The following GAL3ST3 variants were observed in gnomAD, a reference collection of about 807,000 sequenced individuals.
GAL3ST3 encodes the protein beta-galactose-3-O-sulfotransferase 3.
In GAL3ST3, 21 loss-of-function variants were observed where a neutral mutation model predicts 20.8. The ratio of observed to expected loss-of-function variants is 1.01; its 90% CI spans 0.72 to 1.45. The LOEUF is 1.45. GAL3ST3 is among the 40% of genes most tolerant of loss of function. GAL3ST3 has a pLI of 0.00. For synonymous variants in GAL3ST3, 355 were observed against 307.2 expected (o/e 1.16, Z -1.63); for missense variants, 739 against 662.7 (o/e 1.12, Z -1.26).
At chr11:66,047,973 C>G (rs957770329) in intron 1 of GAL3ST3, among the ~76,000 whole-genome samples, 7 of 152,150 alleles carry the variant, frequency 4.6e-5, no homozygotes, top group African/African-American at 1.7e-4. Flanking sequence ...CAATTTGACT[C>G]CAAGATGCCT....
chr11:66,048,347 G>C (rs557220004), intron 1 of GAL3ST3, among the ~76,000 whole-genome samples: 2 of 152,112 alleles, frequency 1.3e-5, no homozygotes, highest in African/African-American at 4.8e-5. Flanking sequence ...AAAATGGGCC[G>C]GGGTGCCCAC....
rs1197537879 is a variant in GAL3ST3, at chr11:66,041,860, C to T, written c.*647G>A. 1 of 152,260 alleles carries T rather than the reference C, an allele frequency of 6.6e-6. No individual in the cohort carries two copies. The highest frequency in any genetic ancestry group is 1.5e-5 in the Non-Finnish European group (1 of 68,080). 9.4% of individuals were successfully genotyped at this position (152,260 alleles called of 1,614,324 possible). Reference sequence around the variant, plus strand: ...GGCGGGGGACCTTGAGTCCAGGCCCCCATCCTCATGGGTCCAGCCACAGCT... The same window carrying T: ...GGCGGGGGACCTTGAGTCCAGGCCCTCATCCTCATGGGTCCAGCCACAGCT... On this transcript the variant is annotated 3_prime_UTR_variant, in exon 3 of 3. Transcript: ENST00000312006.
At chr11:66,048,019 GAGGGGGC>G (rs1280851455) in intron 1 of GAL3ST3, among the ~76,000 whole-genome samples, 1 of 152,208 alleles carries the variant, frequency 6.6e-6, no homozygotes, top group African/African-American at 2.4e-5. Context: ...GCCTCTCAGG[GAGGGGGC>G]CACTGGGCTG....
rs1856723704 is a variant in GAL3ST3, at chr11:66,042,800, A to G, written c.1003T>C (p.Cys335Arg). Residue 335 changes from cysteine (C) to arginine (R), a missense_variant, in exon 3 of 3, where the codon TGC becomes CGC. Coordinates refer to ENST00000312006, the MANE Select transcript of GAL3ST3 (RefSeq NM_033036.3). ...REARQRLLRR[C>R]FGDEPLLRPA... ...CGCAGCAGTGGCTCGTCCCCGAAGC[A>G]GCGCCGCAGTAGGCGCTGGCGGGCC... is the stretch of plus-strand genomic sequence containing the variant. The G allele has an allele frequency of 6.9e-7, 1 of 1,456,578 alleles. No homozygotes were observed. The highest frequency in any genetic ancestry group is 1.4e-5 in the South Asian group (1 of 72,880). 90.2% of individuals were successfully genotyped at this position (1,456,578 alleles called of 1,614,324 possible).
intron 2 of GAL3ST3, 131 bp from the exon 3 acceptor site, chr11:66,043,808 G>A (rs1856751786): frequency 1.3e-6 from 1 of 760,992 alleles, no homozygotes; most frequent in East Asian, 2.7e-5. Context: ...AAAGGTCGAG[G>A]GCGGTGCTTG....
rs942038835 is a variant in GAL3ST3, at chr11:66,041,382, C to T, written c.*1125G>A. ...TCTCTGCTAGTCTTAAGGGAGATTT[C>T]ACCTGGAAGTGCTGGCTATCTTGCT... is the stretch of plus-strand genomic sequence containing the variant. On this transcript the variant is annotated 3_prime_UTR_variant, in exon 3 of 3. Coordinates refer to ENST00000312006, the MANE Select transcript of GAL3ST3 (RefSeq NM_033036.3). 3.3e-5 allele frequency among the ~76,000 whole-genome samples: 5 copies of T among 152,190 alleles called. No homozygotes were observed. The highest frequency in any genetic ancestry group is 1.2e-4 in the African/African-American group (5 of 41,452).
chr11:66,043,408 A>C lies in GAL3ST3; in HGVS notation c.395T>G (p.Phe132Cys). ...PPHVLASHLR[F>C]DRAELERLMP... is the part of the protein sequence containing the mutation. Reference sequence around the variant, plus strand: ...GAGGCGCTCCAGCTCCGCACGGTCGAAGCGCAGGTGGCTGGCCAGCACGTG... The same window carrying C: ...GAGGCGCTCCAGCTCCGCACGGTCGCAGCGCAGGTGGCTGGCCAGCACGTG... The change falls in exon 3 of 3, where the codon TTC becomes TGC. Residue 132 changes from phenylalanine to cysteine, a missense_variant. By Grantham distance (205) the Phe-to-Cys change is radical. Coordinates refer to ENST00000312006, the MANE Select transcript of GAL3ST3 (RefSeq NM_033036.3). 3.7e-6 allele frequency: 6 copies of C among 1,610,208 alleles called. No individual in the cohort carries two copies. Among genetic ancestry groups the C allele is most frequent in the Non-Finnish European group, 5.1e-6 (6 of 1,178,602 alleles).
In GAL3ST3 at chr11:66,042,968, T is replaced by C. The variant is rs764714049; in HGVS notation, c.835A>G (p.Ile279Val). ...ARAASSRLAA[I>V]PAALARAART... ...GCCGCCCGCGCCAGCGCCGCGGGGA[T>C]GGCGGCCAGGCGCGAGCTGGCGGCG... The change falls in exon 3 of 3, where the codon ATC (isoleucine) becomes GTC (valine). Residue 279 changes from isoleucine to valine, a missense_variant. Coordinates refer to ENST00000312006, the MANE Select transcript of GAL3ST3 (RefSeq NM_033036.3). 3.9e-5 allele frequency: 59 copies of C among 1,513,932 alleles called. No homozygotes were observed. In the Middle Eastern group the frequency reaches 1.2e-3, roughly 32 times the overall value. The allele number at this position is 1,513,932 out of a possible 1,614,324, so 93.8% of individuals were successfully genotyped here.
At chr11:66,048,375 TTC>T (rs1454814855) in intron 1 of GAL3ST3, among the ~76,000 whole-genome samples, 2 of 152,028 alleles carry the variant, frequency 1.3e-5, no homozygotes, top group African/African-American at 2.4e-5. Flanking sequence ...AAGGAGCCCT[TTC>T]TCCTCTGTCT....
In GAL3ST3 at chr11:66,046,562, A is replaced by C. The variant is rs559296372; in HGVS notation, c.-112-1035T>G. 3.2e-4 allele frequency among the ~76,000 whole-genome samples: 48 copies of C among 152,202 alleles called. 1 individual carries two copies. The highest frequency in any genetic ancestry group is 1.1e-3 in the African/African-American group (46 of 41,522). On this transcript the variant is annotated intron_variant, in intron 1 of 2. Coordinates refer to ENST00000312006, the MANE Select transcript of GAL3ST3 (RefSeq NM_033036.3). ...TTGCCCTACGGAGGATCTCCAGGAG[A>C]AGGTGAGCTTCCATCCCAGGTAAGC...
rs769400106 is a variant in GAL3ST3, at chr11:66,043,664, A to G, written c.139T>C (p.Phe47Leu). Reference protein sequence around the residue: ...GAQLSWYPKLFPLSCPPLRNS... With the variant: ...GAQLSWYPKLLPLSCPPLRNS... Reference sequence around the variant, plus strand: ...CGCAGAGGAGGGCAGCTCAAGGGGAACAGCTTGGGGTACCTGCCAGGCCCA... The same window carrying G: ...CGCAGAGGAGGGCAGCTCAAGGGGAGCAGCTTGGGGTACCTGCCAGGCCCA... The change falls in exon 3 of 3, where the codon TTC becomes CTC. Residue 47 changes from phenylalanine (F) to leucine (L), a missense_variant. Coordinates refer to ENST00000312006, the MANE Select transcript of GAL3ST3 (RefSeq NM_033036.3). 71 of 1,604,636 alleles carry G rather than the reference A, an allele frequency of 4.4e-5. 1 individual carries two copies. Among genetic ancestry groups the G allele is most frequent in the Middle Eastern group, 3.3e-4 (2 of 6,058 alleles).
intron 1 of GAL3ST3, among the ~76,000 whole-genome samples, chr11:66,046,686 C>T (rs531698140): frequency 5.9e-5 from 9 of 152,172 alleles, no homozygotes; most frequent in East Asian, 1.9e-4. Context: ...GGGCAGCTCC[C>T]GTGGAAAGTC....
rs1856695439 is a variant in GAL3ST3 at position 66,040,904 on chromosome 11, C to A, written c.*1603G>T. Reference sequence around the variant, plus strand: ...CAGTCCCTTTTCAAGCCCAGCGTGTCATGCATCCTGCCAATCAATCACTGT... The same window carrying A: ...CAGTCCCTTTTCAAGCCCAGCGTGTAATGCATCCTGCCAATCAATCACTGT... On this transcript the variant is annotated 3_prime_UTR_variant, in exon 3 of 3. Transcript: ENST00000312006. 6.6e-6 allele frequency among the ~76,000 whole-genome samples: 1 copy of A among 152,218 alleles called. No homozygotes were observed. Among genetic ancestry groups the A allele is most frequent in the Non-Finnish European group, 1.5e-5 (1 of 68,040 alleles).
chr11:66,045,149 G>T, intron 2 of GAL3ST3, 142 bp downstream of exon 2: 1 of 629,926 alleles, frequency 1.6e-6, no homozygotes, highest in Non-Finnish European at 2.5e-6. Flanking sequence ...TTGAAGAGCA[G>T]TCCCTGTCCA....
chr11:66,047,023 C>T (rs528259330), intron 1 of GAL3ST3, among the ~76,000 whole-genome samples: 8 of 152,280 alleles, frequency 5.3e-5, no homozygotes, highest in African/African-American at 1.7e-4. Flanking sequence ...TAGGCCTTAT[C>T]GCTGCTTCCC....
In GAL3ST3 at chr11:66,045,465, C is replaced by T. The variant is rs374244902; in HGVS notation, c.-50G>A. ...GCCAGGGCCTCACTATCCAGGACTC[C>T]CTTCACAGGCACTCATGGGGGATCC... On this transcript the variant is annotated 5_prime_UTR_variant, in exon 2 of 3. Transcript: ENST00000312006. 1 of 1,502,460 alleles carries T rather than the reference C, an allele frequency of 6.7e-7. No homozygotes were observed. The highest frequency in any genetic ancestry group is 8.9e-7 in the Non-Finnish European group (1 of 1,122,520). 93.1% of individuals were successfully genotyped at this position (1,502,460 alleles called of 1,614,324 possible). A position where few individuals can be genotyped will look rare whatever the true frequency, so the allele number is the denominator to read the frequency against.
chr11:66,042,860 C>A lies in GAL3ST3; in HGVS notation c.943G>T (p.Ala315Ser). ...TCGCGCGCCTCGCGCTCCACGCACG[C>A]GCGGCCCGCGCGCGCCACGTGGCGC... ...FWRHVARAGR[A>S]CVEREARELR... Residue 315 changes from alanine (A) to serine (S), a missense_variant, in exon 3 of 3, where the codon GCG becomes TCG. By Grantham distance (99) the Ala-to-Ser change is moderately conservative. Coordinates refer to ENST00000312006, the MANE Select transcript of GAL3ST3 (RefSeq NM_033036.3). 1 of 1,165,388 alleles carries A rather than the reference C, an allele frequency of 8.6e-7. No individual in the cohort carries two copies. The highest frequency in any genetic ancestry group is 1.1e-6 in the Non-Finnish European group (1 of 940,650). The allele number at this position is 1,165,388 out of a possible 1,614,324, so 72.2% of individuals were successfully genotyped here. A position where few individuals can be genotyped will look rare whatever the true frequency, so the allele number is the denominator to read the frequency against.
Position 66,042,656 on chromosome 11 carries a change from T to G in GAL3ST3, c.1147A>C (p.Lys383Gln). The G allele has an allele frequency of 6.5e-7, 1 of 1,534,636 alleles. No homozygotes were observed. ...GAGPATEACL[K>Q]LAMPEVQYSN... is the part of the protein sequence containing the mutation. ...TACTGGACCTCGGGCATGGCCAGCT[T>G]GAGGCAGGCCTCGGTGGCCGGGCCG... The change falls in exon 3 of 3, where the codon AAG becomes CAG. Residue 383 changes from lysine to glutamine, a missense_variant. Physicochemically the swap from Lys to Gln is moderately conservative, Grantham distance 53. Coordinates refer to ENST00000312006, the MANE Select transcript of GAL3ST3 (RefSeq NM_033036.3).
chr11:66,042,371 C>T lies in GAL3ST3; in HGVS notation c.*136G>A, dbSNP rs1207214735. The T allele has an allele frequency of 1.3e-5, 9 of 670,168 alleles. No homozygotes were observed. The highest frequency in any genetic ancestry group is 2.3e-5 in the South Asian group (1 of 43,580). The allele number at this position is 670,168 out of a possible 1,614,324, so 41.5% of individuals were successfully genotyped here. A position where few individuals can be genotyped will look rare whatever the true frequency, so the allele number is the denominator to read the frequency against. On this transcript the variant is annotated 3_prime_UTR_variant, in exon 3 of 3. Transcript: ENST00000312006. ...GGGAGCGGGGGCTCAGATAGGGAGGCGTACCCCAAAGTTCAGCGAGGGACT... is the reference window on the plus strand; with the variant it reads ...GGGAGCGGGGGCTCAGATAGGGAGGTGTACCCCAAAGTTCAGCGAGGGACT...
Sources: allele counts gnomAD v4.1 joint callset (sites outside exome capture counted in the v4.1 genomes callset), GRCh38; gene constraint gnomAD v4.1.1; transcripts MANE v1.5; gene names NCBI Gene and HGNC (gene_info 2026-07-23, HGNC 2026-07-21).